Variants in LIN28B observed in about 807,000 individuals in gnomAD.
The protein encoded by LIN28B is protein lin-28 homolog B.
A neutral mutation model predicts 21.9 loss-of-function variants in LIN28B; 5 were observed. The observed-to-expected ratio is 0.23, with a 90% CI of 0.12 to 0.48. The LOEUF (loss-of-function observed/expected upper bound fraction) is 0.48, where lower values mean the gene tolerates loss of function less well. Ranked by LOEUF, LIN28B falls within the 20% of genes least tolerant of loss-of-function variation. The pLI is 0.98. For synonymous variants in LIN28B, 109 were observed against 111.3 expected (o/e 0.98, Z 0.13); for missense variants, 245 against 310.5 (o/e 0.79, Z 1.58).
intron 2 of LIN28B, among the ~76,000 whole-genome samples, chr6:105,003,661 C>T (rs956987114): frequency 4.0e-5 from 6 of 151,844 alleles, no homozygotes; most frequent in Non-Finnish European, 7.4e-5. Flanking sequence ...TACAGGGGTG[C>T]GCCACCATGC....
rs538251522 is a variant in LIN28B at position 105,045,060 on chromosome 6, C to T, written c.383+18578C>T. The stretch of plus-strand genomic sequence containing the variant: ...AGTATATGTGCTGTGAATAGTTTAA[C>T]GTTAAACTGTTAGGAGCAGTAATAG... On this transcript the variant is annotated intron_variant, in intron 3 of 3. Coordinates refer to ENST00000345080, the MANE Select transcript of LIN28B (RefSeq NM_001004317.4). Among the ~76,000 whole-genome samples, 13 of 152,014 alleles carry T rather than the reference C, an allele frequency of 8.6e-5. No individual in the cohort carries two copies. In the East Asian group the frequency reaches 2.5e-3, roughly 29 times the overall value.
At chr6:104,965,900 A>G (rs955811100) in intron 2 of LIN28B, among the ~76,000 whole-genome samples, 9 of 152,174 alleles carry the variant, frequency 5.9e-5, no homozygotes, top group Non-Finnish European at 1.2e-4. Context: ...TTTGGTTAAT[A>G]ATTATTTAAT....
intron 3 of LIN28B, among the ~76,000 whole-genome samples, chr6:105,039,187 A>G (rs1482219427): frequency 6.6e-6 from 1 of 152,218 alleles, no homozygotes; most frequent in African/African-American, 2.4e-5. Context: ...CTTGTTTCAT[A>G]AACTTTTGAG....
chr6:105,017,150 C>G, intron 2 of LIN28B, among the ~76,000 whole-genome samples: 1 of 151,164 alleles, frequency 6.6e-6, no homozygotes, highest in Non-Finnish European at 1.5e-5. Context: ...TGATATATAC[C>G]ATACATAATT....
At chr6:104,974,502 AAAG>A (rs1225418625) in intron 2 of LIN28B, among the ~76,000 whole-genome samples, 145 of 151,410 alleles carry the variant, frequency 9.6e-4, no homozygotes, top group East Asian at 7.8e-3. Flanking sequence ...AAAAAAAAAA[AAAG>A]AAAAAGAAAA....
intron 2 of LIN28B, among the ~76,000 whole-genome samples, chr6:105,014,939 A>G (rs1770998835): frequency 6.6e-6 from 1 of 151,828 alleles, no homozygotes; most frequent in South Asian, 2.1e-4. Context: ...ATACTGTGTA[A>G]TTACAAATAT....
intron 2 of LIN28B, among the ~76,000 whole-genome samples, chr6:105,010,561 A>G (rs1236159253): frequency 1.3e-5 from 2 of 152,284 alleles, no homozygotes; most frequent in African/African-American, 2.4e-5. Flanking sequence ...AGTTTGTGCA[A>G]TTATCGTTTT....
intron 3 of LIN28B, among the ~76,000 whole-genome samples, chr6:105,028,825 G>T (rs919756008): frequency 1.3e-5 from 2 of 152,158 alleles, no homozygotes; most frequent in African/African-American, 4.8e-5. Context: ...GCCACAAGAG[G>T]AGATAAGATC....
At chr6:104,957,542 A>T (rs1326271742) in intron 1 of LIN28B, among the ~76,000 whole-genome samples, 1 of 150,468 alleles carries the variant, frequency 6.6e-6, no homozygotes, top group Non-Finnish European at 1.5e-5. Flanking sequence ...TCAGTTAGTG[A>T]TTCCAAGAAA....
At chr6:105,043,008 C>T (rs542777887) in intron 3 of LIN28B, among the ~76,000 whole-genome samples, 53 of 152,036 alleles carry the variant, frequency 3.5e-4, no homozygotes, top group Non-Finnish European at 6.8e-4. Flanking sequence ...GATGGAAGAC[C>T]AAGGAAAGAA....
In LIN28B at chr6:104,958,168, T is replaced by G; in HGVS notation, c.80T>G (p.Val27Gly). Residue 27 changes from valine to glycine, a missense_variant, in exon 2 of 4, where the codon GTT becomes GGT. Val to Gly is a moderately radical substitution (Grantham distance 109, BLOSUM62 -3). Coordinates refer to ENST00000345080, the MANE Select transcript of LIN28B (RefSeq NM_001004317.4). ...GAGCCGGCAGAGGAGGAATCCCAGG[T>G]TTTGCGCGGAACTGGCCACTGTAAG... is the stretch of plus-strand genomic sequence containing the variant. ...LPEPAEEESQ[V>G]LRGTGHCKWF... is the part of the protein sequence containing the mutation. 1.9e-6 allele frequency: 3 copies of G among 1,607,638 alleles called. No homozygotes were observed. In the South Asian group the frequency reaches 3.3e-5, roughly 18 times the overall value.
intron 3 of LIN28B, among the ~76,000 whole-genome samples, chr6:105,061,768 C>T (rs1772124902): frequency 1.3e-5 from 2 of 152,118 alleles, no homozygotes; most frequent in Non-Finnish European, 2.9e-5. Flanking sequence ...GTGGTTTTAT[C>T]ATGGACCACC....
At chr6:104,953,074 C>G (rs1582860192), upstream of LIN28B, among the ~76,000 whole-genome samples, 1 of 152,340 alleles carries the variant, frequency 6.6e-6, no homozygotes, top group Admixed American at 6.5e-5. Flanking sequence ...TTTACCAAAA[C>G]GCGGCGGAAG....
At chr6:105,023,482 TTA>T (rs568904776) in intron 2 of LIN28B, among the ~76,000 whole-genome samples, 2 of 872 alleles carry the variant, frequency 2.3e-3, no homozygotes, top group African/African-American at 7.6e-3. Flanking sequence ...TATAATTATA[TTA>T]TATATAATAT....
In LIN28B at chr6:105,078,720, A is replaced by G. The variant is rs1021579178; in HGVS notation, c.690A>G (p.Ser230=). The change falls in exon 4 of 4, where the codon TCA becomes TCG. Residue 230 remains serine (S), a synonymous_variant. Coordinates refer to ENST00000345080, the MANE Select transcript of LIN28B (RefSeq NM_001004317.4). ...RSPQEASSTK[S]SIAPEEQSKK... ...CTCAAGAAGCTTCCTCCACGAAGTC[A>G]TCTATAGCACCAGAAGAGCAAAGCA... 5.0e-6 allele frequency: 8 copies of G among 1,614,170 alleles called. No individual in the cohort carries two copies. The highest frequency in any genetic ancestry group is 4.5e-5 in the East Asian group (2 of 44,878).
At chr6:104,983,706 T>C (rs1770272869) in intron 2 of LIN28B, among the ~76,000 whole-genome samples, 1 of 152,054 alleles carries the variant, frequency 6.6e-6, no homozygotes, top group Admixed American at 6.6e-5. Flanking sequence ...CCTCCCAAGT[T>C]GCTGGGATTA....
intron 2 of LIN28B, among the ~76,000 whole-genome samples, chr6:104,958,675 C>A (rs193294523): frequency 6.6e-6 from 1 of 152,108 alleles, no homozygotes; most frequent in Non-Finnish European, 1.5e-5. Flanking sequence ...CAAAGCGAAA[C>A]AGTTTGCTGT....
intron 3 of LIN28B, among the ~76,000 whole-genome samples, chr6:105,059,731 C>T (rs1415886281): frequency 6.6e-6 from 1 of 152,048 alleles, no homozygotes; most frequent in East Asian, 1.9e-4. Context: ...TACTATTTGG[C>T]CCAAAAAGTA....
intron 2 of LIN28B, among the ~76,000 whole-genome samples, chr6:104,997,295 A>T (rs969162356): frequency 6.8e-6 from 1 of 147,192 alleles, no homozygotes; most frequent in Non-Finnish European, 1.5e-5. Flanking sequence ...AAAAAAAAAA[A>T]GAAAAGAAAA....
Sources: allele counts gnomAD v4.1 joint callset (sites outside exome capture counted in the v4.1 genomes callset), GRCh38; gene constraint gnomAD v4.1.1; transcripts MANE v1.5; gene names NCBI Gene and HGNC (gene_info 2026-07-23, HGNC 2026-07-21).